GABRG3: variants seen among roughly 807,000 people sequenced by gnomAD.
GABRG3 encodes gamma-aminobutyric acid type A receptor subunit gamma3.
Under a neutral mutation model 48.8 loss-of-function variants are expected in GABRG3, and 25 were observed. That is an observed-to-expected ratio of 0.51 (90% CI 0.37 to 0.72). The LOEUF (loss-of-function observed/expected upper bound fraction) is 0.72. Among genes scored for constraint, GABRG3 ranks in the 30% least tolerant of loss-of-function variants. The pLI, the probability that GABRG3 is intolerant of heterozygous loss-of-function variation, is 0.00. For synonymous variants in GABRG3, 227 were observed against 217.6 expected (o/e 1.04, Z -0.38); for missense variants, 394 against 577.9 (o/e 0.68, Z 3.26).
intron 3 of GABRG3, among the ~76,000 whole-genome samples, chr15:27,217,108 C>T (rs540114697): frequency 2.1e-4 from 32 of 151,504 alleles, no homozygotes; most frequent in Non-Finnish European, 4.3e-4. Flanking sequence ...GACATGAACT[C>T]ATCATTTTTT....
At chr15:27,528,031 T>C (rs780467195) in intron 9 of GABRG3, 39 bp downstream of exon 9, 1 of 1,442,548 alleles carries the variant, frequency 6.9e-7, no homozygotes, top group Non-Finnish European at 9.6e-7. Flanking sequence ...TTCTGAGAAC[T>C]TTCACTAAAC....
chr15:27,009,194 G>C (rs972683035), intron 2 of GABRG3, among the ~76,000 whole-genome samples: 2 of 152,136 alleles, frequency 1.3e-5, no homozygotes, highest in African/African-American at 4.8e-5. Context: ...TTGACATAAA[G>C]AATTCCAAGT....
At chr15:27,381,838 G>A (rs1895787068) in intron 5 of GABRG3, among the ~76,000 whole-genome samples, 1 of 152,062 alleles carries the variant, frequency 6.6e-6, no homozygotes, top group Admixed American at 6.6e-5. Context: ...TTGGATGTGG[G>A]GATGAGAGAT....
chr15:27,168,417 G>A (rs1484434857), intron 3 of GABRG3, among the ~76,000 whole-genome samples: 1 of 152,130 alleles, frequency 6.6e-6, no homozygotes, highest in African/African-American at 2.4e-5. Flanking sequence ...AGGGCACAAC[G>A]TTCAGTTGTT....
chr15:27,334,718 T>C (rs989576742), intron 5 of GABRG3, among the ~76,000 whole-genome samples: 10 of 152,140 alleles, frequency 6.6e-5, no homozygotes, highest in Non-Finnish European at 7.4e-5. Flanking sequence ...AAAAATAAGC[T>C]TGAACTTATA....
At chr15:27,186,307 C>T (rs1888095965) in intron 3 of GABRG3, among the ~76,000 whole-genome samples, 1 of 152,140 alleles carries the variant, frequency 6.6e-6, no homozygotes, top group Admixed American at 6.6e-5. Flanking sequence ...ATAATGGCCT[C>T]CAGCTGCATC....
intron 2 of GABRG3, among the ~76,000 whole-genome samples, chr15:26,984,742 T>G (rs567087791): frequency 6.6e-6 from 1 of 152,002 alleles, no homozygotes; most frequent in Non-Finnish European, 1.5e-5. Context: ...TCCTTCAGGG[T>G]TTCAAGAAAC....
chr15:27,168,594 A>G (rs1054453555), intron 3 of GABRG3, among the ~76,000 whole-genome samples: 2 of 152,224 alleles, frequency 1.3e-5, no homozygotes, highest in African/African-American at 4.8e-5. Context: ...GTGATGTGGT[A>G]GGAGGTGAGA....
At chr15:27,402,700 C>G (rs1278831844) in intron 5 of GABRG3, among the ~76,000 whole-genome samples, 1 of 152,222 alleles carries the variant, frequency 6.6e-6, no homozygotes, top group Non-Finnish European at 1.5e-5. Context: ...CCAAAATATT[C>G]TTGTCTTAAG....
intron 3 of GABRG3, among the ~76,000 whole-genome samples, chr15:27,307,828 A>T (rs1892705332): frequency 8.6e-6 from 1 of 116,936 alleles, no homozygotes; most frequent in South Asian, 2.4e-4. Context: ...AAATAAACAT[A>T]AACATATATA....
At chr15:27,061,312 G>A (rs565852075) in intron 3 of GABRG3, among the ~76,000 whole-genome samples, 3 of 152,158 alleles carry the variant, frequency 2.0e-5, no homozygotes, top group East Asian at 1.9e-4. Flanking sequence ...AGTGGCTAAC[G>A]GTGTGAGAAC....
chr15:27,228,608 C>G (rs531777022), intron 3 of GABRG3, among the ~76,000 whole-genome samples: 1 of 152,110 alleles, frequency 6.6e-6, no homozygotes, highest in African/African-American at 2.4e-5. Flanking sequence ...GTTGAATGGT[C>G]GTTCTGCTTT....
chr15:27,349,714 GC>G (rs1317152454), intron 5 of GABRG3, among the ~76,000 whole-genome samples: 17 of 152,124 alleles, frequency 1.1e-4, no homozygotes, highest in Admixed American at 9.8e-4. Context: ...TGCTTCCACA[GC>G]CTTGTGGAAA....
chr15:27,124,856 G>T (rs1342494669), intron 3 of GABRG3, among the ~76,000 whole-genome samples: 2 of 152,176 alleles, frequency 1.3e-5, no homozygotes, highest in Non-Finnish European at 2.9e-5. Flanking sequence ...TTGAAAGCTT[G>T]CCCAACCTTT....
rs531432594 is a variant in GABRG3, at chr15:27,167,982, T to C, written c.270+141161T>C. ...CAGATGCCCGCTAGGCGAGCAGAAG[T>C]GATGGAGGGACCCGGCCCAAATCTC... On this transcript the variant is annotated intron_variant, in intron 3 of 9. Transcript: ENST00000615808. 1.6e-4 allele frequency among the ~76,000 whole-genome samples: 24 copies of C among 152,092 alleles called. 1 individual carries two copies. The South Asian group carries it at 4.2e-3, about 26-fold the overall frequency.
At chr15:27,307,167 TATACATA>T (rs1892600940) in intron 3 of GABRG3, among the ~76,000 whole-genome samples, 2 of 138,700 alleles carry the variant, frequency 1.4e-5, no homozygotes, top group African/African-American at 5.1e-5. Context: ...AAAACATGTT[TATACATA>T]ATATATAAAC....
chr15:26,987,888 C>A (rs1446669761), intron 2 of GABRG3, among the ~76,000 whole-genome samples: 1 of 152,112 alleles, frequency 6.6e-6, no homozygotes, highest in Non-Finnish European at 1.5e-5. Context: ...AAAAACAGCT[C>A]CTAATTTCCT....
intron 5 of GABRG3, among the ~76,000 whole-genome samples, chr15:27,339,659 A>C (rs1894098735): frequency 6.6e-6 from 1 of 152,190 alleles, no homozygotes; most frequent in Non-Finnish European, 1.5e-5. Context: ...ACTTTGGTGG[A>C]AACTCACTAC....
intron 3 of GABRG3, among the ~76,000 whole-genome samples, chr15:27,260,890 G>A (rs1210388964): frequency 6.6e-6 from 1 of 152,160 alleles, no homozygotes; most frequent in Non-Finnish European, 1.5e-5. Flanking sequence ...GAAGAGGCAG[G>A]TGTGCACTGA....
Sources: allele counts gnomAD v4.1 joint callset (sites outside exome capture counted in the v4.1 genomes callset), GRCh38; gene constraint gnomAD v4.1.1; transcripts MANE v1.5; gene names NCBI Gene and HGNC (gene_info 2026-07-23, HGNC 2026-07-21).